Variants in FAM163B observed in about 807,000 individuals in gnomAD.
FAM163B encodes the protein family with sequence similarity 163 member B, also known as protein FAM163B.
A neutral mutation model predicts 7.6 loss-of-function variants in FAM163B; 4 were observed. That is an observed-to-expected ratio of 0.52 (90% CI 0.26 to 1.20). FAM163B has a LOEUF of 1.20. Among genes scored for constraint, FAM163B ranks in the 50% most tolerant of loss-of-function variants. The pLI, the probability that FAM163B is intolerant of heterozygous loss-of-function variation, is 0.14. For missense variants in FAM163B, 250 were observed against 243.0 expected (o/e 1.03, Z -0.19); for synonymous variants, 120 against 111.6 (o/e 1.07, Z -0.47).
chr9:133,593,310 T>G (rs1257021385), intron 1 of FAM163B, among the ~76,000 whole-genome samples: 1 of 152,154 alleles, frequency 6.6e-6, no homozygotes, highest in Non-Finnish European at 1.5e-5. Context: ...TCCTCCTGTA[T>G]CTCATCTCCA....
At position 133,579,040 on chromosome 9, in the gene FAM163B, G is replaced by T; in HGVS notation, c.483C>A (p.Ser161Arg). 6.4e-7 allele frequency: 1 copy of T among 1,558,480 alleles called. No homozygotes were observed. ...AMREAFARSRSISTDV is the reference protein window; with the variant it reads ...AMREAFARSRRISTDV Reference sequence around the variant, plus strand: ...GCCCAGGTCACACGTCGGTGCTGATGCTGCGGCTCCTGGCGAAGGCCTCCC... The same window carrying T: ...GCCCAGGTCACACGTCGGTGCTGATTCTGCGGCTCCTGGCGAAGGCCTCCC... Residue 161 changes from serine to arginine, a missense_variant, in exon 3 of 3, where the codon AGC becomes AGA. Coordinates refer to ENST00000673969, the MANE Select transcript of FAM163B (RefSeq NM_001080515.3).
At chr9:133,586,990 G>A (rs1831449294) in intron 1 of FAM163B, among the ~76,000 whole-genome samples, 1 of 152,182 alleles carries the variant, frequency 6.6e-6, no homozygotes, top group Non-Finnish European at 1.5e-5. Flanking sequence ...CTAGGCCATC[G>A]GGGAAGCAGG....
At position 133,580,183 on chromosome 9, in the gene FAM163B, G is replaced by T; in HGVS notation, c.41C>A (p.Ala14Glu). The change falls in exon 2 of 3, where the codon GCG (alanine) becomes GAG (glutamate). Residue 14 changes from alanine to glutamate, a missense_variant. Physicochemically the swap from Ala to Glu is moderately radical, Grantham distance 107. Coordinates refer to ENST00000673969, the MANE Select transcript of FAM163B (RefSeq NM_001080515.3). ...GTVVITGGIL[A>E]TVILLCIIAV... ...GATGATGCAGAGCAAAATCACAGTC[G>T]CCAAGATGCCCCCGGTGATGACCAC... is the stretch of plus-strand genomic sequence containing the variant. 1 of 1,613,380 alleles carries T rather than the reference G, an allele frequency of 6.2e-7. No homozygotes were observed. Among genetic ancestry groups the T allele is most frequent in the Non-Finnish European group, 8.5e-7 (1 of 1,180,016 alleles).
At chr9:133,589,869 T>C (rs920006795) in intron 1 of FAM163B, among the ~76,000 whole-genome samples, 1 of 151,836 alleles carries the variant, frequency 6.6e-6, no homozygotes, top group Non-Finnish European at 1.5e-5. Context: ...GGGCTGCAGT[T>C]TCCCGATCTC....
At chr9:133,607,637 A>G (rs1831806161) in intron 1 of FAM163B, among the ~76,000 whole-genome samples, 1 of 152,204 alleles carries the variant, frequency 6.6e-6, no homozygotes, top group South Asian at 2.1e-4. Flanking sequence ...GGCTGAGTCT[A>G]GACAAGCCGG....
intron 1 of FAM163B, among the ~76,000 whole-genome samples, chr9:133,590,407 C>T (rs1165115252): frequency 1.3e-5 from 2 of 152,028 alleles, no homozygotes; most frequent in Admixed American, 6.6e-5. Context: ...AAACAAATAA[C>T]TTAGTCCCGT....
Position 133,577,247 on chromosome 9 carries a change from G to A in FAM163B, c.*1775C>T, listed in dbSNP as rs943754401. 1.3e-5 allele frequency among the ~76,000 whole-genome samples: 2 copies of A among 152,172 alleles called. No homozygotes were observed. The highest frequency in any genetic ancestry group is 2.9e-5 in the Non-Finnish European group (2 of 68,024). ...GGAGACCAGAAAGGAATTGGGAAAT[G>A]GAATCATGAGGGCTGGGCCCTCATC... On this transcript the variant is annotated 3_prime_UTR_variant, in exon 3 of 3. Coordinates refer to ENST00000673969, the MANE Select transcript of FAM163B (RefSeq NM_001080515.3).
intron 1 of FAM163B, among the ~76,000 whole-genome samples, chr9:133,603,592 C>T (rs1159005581): frequency 6.6e-6 from 1 of 152,224 alleles, no homozygotes; most frequent in Non-Finnish European, 1.5e-5. Flanking sequence ...GGCCACTGCT[C>T]ATTAGCCAAA....
intron 1 of FAM163B, among the ~76,000 whole-genome samples, chr9:133,588,696 G>GTTGAGGGAT (rs1588326116): frequency 1.9e-4 from 1 of 5,222 alleles, no homozygotes; most frequent in East Asian, 4.3e-3. Context: ...GATCTAGCAT[G>GTTGAGGGAT]CTGAGGGATC....
rs933165259 is a variant in FAM163B at position 133,609,312 on chromosome 9, C to T, written c.-259G>A. 5.3e-5 allele frequency among the ~76,000 whole-genome samples: 8 copies of T among 149,708 alleles called. No individual in the cohort carries two copies. ...CCCTGCCAGCTCCGCGCTGCGGCCG[C>T]GACTCCGGACGCCCCGGCTGGCTCC... On this transcript the variant is annotated 5_prime_UTR_variant, in exon 1 of 3. Transcript: ENST00000673969.
At chr9:133,579,549 G>T in intron 2 of FAM163B, 120 bp from the exon 3 acceptor site, 2 of 1,269,038 alleles carry the variant, frequency 1.6e-6, no homozygotes, top group Non-Finnish European at 2.1e-6. Flanking sequence ...GGTGGCCCAA[G>T]CCCAGGCCTG....
intron 1 of FAM163B, among the ~76,000 whole-genome samples, 21 bp downstream of exon 1, chr9:133,609,056 C>A (rs1427244918): frequency 6.6e-6 from 1 of 152,210 alleles, no homozygotes; most frequent in South Asian, 2.1e-4. Flanking sequence ...CCCCGTGACC[C>A]GCGGCCCGCT....
chr9:133,599,272 C>A (rs1319076222), intron 1 of FAM163B, among the ~76,000 whole-genome samples: 1 of 152,198 alleles, frequency 6.6e-6, no homozygotes, highest in Admixed American at 6.5e-5. Flanking sequence ...CTGCTCAGCT[C>A]TCAGCTCAGA....
At chr9:133,587,447 A>G (rs1831457715) in intron 1 of FAM163B, among the ~76,000 whole-genome samples, 1 of 152,142 alleles carries the variant, frequency 6.6e-6, no homozygotes, top group Non-Finnish European at 1.5e-5. Context: ...CTGTCTGCCA[A>G]CCTCAGGAAC....
chr9:133,608,588 A>T (rs2131268134), intron 1 of FAM163B, among the ~76,000 whole-genome samples: 1 of 152,246 alleles, frequency 6.6e-6, no homozygotes, highest in East Asian at 1.9e-4. Context: ...CCTCTCGGAG[A>T]CTCAGTTTCT....
At chr9:133,595,352 G>A (rs915549602) in intron 1 of FAM163B, among the ~76,000 whole-genome samples, 1 of 152,184 alleles carries the variant, frequency 6.6e-6, no homozygotes, top group South Asian at 2.1e-4. Flanking sequence ...TGCCATGTTG[G>A]CCAGGCTGTC....
At chr9:133,599,651 AGTT>A (rs1350510101) in intron 1 of FAM163B, among the ~76,000 whole-genome samples, 9 of 146,988 alleles carry the variant, frequency 6.1e-5, no homozygotes, top group Non-Finnish European at 1.3e-4. Flanking sequence ...TGCATGTGTT[AGTT>A]GTGTCTGTGT....
At chr9:133,595,735 C>T (rs1223457890) in intron 1 of FAM163B, among the ~76,000 whole-genome samples, 1 of 152,214 alleles carries the variant, frequency 6.6e-6, no homozygotes, top group African/African-American at 2.4e-5. Context: ...TCAAAAATAT[C>T]CCCTGCTCCA....
At chr9:133,589,584 G>C (rs750257734) in intron 1 of FAM163B, among the ~76,000 whole-genome samples, 1 of 151,770 alleles carries the variant, frequency 6.6e-6, no homozygotes, top group Non-Finnish European at 1.5e-5. Flanking sequence ...CAAGAACCTG[G>C]TTTCCCACTG....
Sources: allele counts gnomAD v4.1 joint callset (sites outside exome capture counted in the v4.1 genomes callset), GRCh38; gene constraint gnomAD v4.1.1; transcripts MANE v1.5; gene names NCBI Gene and HGNC (gene_info 2026-07-23, HGNC 2026-07-21).